The following PON3 variants were observed in gnomAD, a reference collection of about 807,000 sequenced individuals.
The protein encoded by PON3 is serum paraoxonase/lactonase 3.
Under a neutral mutation model 36.3 loss-of-function variants are expected in PON3, and 37 were observed. That is an observed-to-expected ratio of 1.02 (90% CI 0.78 to 1.34). PON3 has a LOEUF of 1.34. Ranked by LOEUF, PON3 falls within the 40% of genes most tolerant of loss-of-function variation. PON3 has a pLI of 0.00. For missense variants in PON3, 415 were observed against 426.5 expected, an observed-to-expected ratio of 0.97 and a Z score of 0.24; for synonymous variants, 155 against 154.8, an observed-to-expected ratio of 1.00 and a Z score of -0.01.
Position 95,374,438 on chromosome 7 carries a change from C to A in PON3, c.202-2100G>T, listed in dbSNP as rs17879912. On this transcript the variant is annotated intron_variant, in intron 3 of 8. Transcript: ENST00000265627. ...TCTCTAGAGATTACACCCTCTCTCT[C>A]TTGCTTTACCACTCATTTTTCACTA... Among the ~76,000 whole-genome samples, 547 of 152,246 alleles carry A rather than the reference C, an allele frequency of 3.6e-3. 4 individuals carry two copies. The highest frequency in any genetic ancestry group is 0.014 in the Middle Eastern group (4 of 294).
chr7:95,373,739 A>AT (rs1472096720), intron 3 of PON3, among the ~76,000 whole-genome samples: 4 of 152,098 alleles, frequency 2.6e-5, no homozygotes, highest in African/African-American at 7.2e-5. Flanking sequence ...CTGTTTATTG[A>AT]TTTTTTTGGC....
rs181397118 is a variant in PON3, at chr7:95,392,836, A to G, written c.145+1808T>C. 3.3e-5 allele frequency among the ~76,000 whole-genome samples: 5 copies of G among 152,340 alleles called. No homozygotes were observed. The East Asian group carries it at 9.6e-4, about 29-fold the overall frequency. The stretch of plus-strand genomic sequence containing the variant: ...AAGGTCTTTACCTTAGCTGGAACAC[A>G]GGGTCCAGCGTCCCTAAAGATACCT... On this transcript the variant is annotated intron_variant, in intron 2 of 8. Coordinates refer to ENST00000265627, the MANE Select transcript of PON3 (RefSeq NM_000940.3).
Position 95,377,474 on chromosome 7 carries a change from G to C in PON3, c.202-5136C>G, listed in dbSNP as rs543904345. On this transcript the variant is annotated intron_variant, in intron 3 of 8. Transcript: ENST00000265627. ...ACAGATAGACTGTCTCCTCAAGTGG[G>C]TCTCTGACACCCATGTAGCCTGACT... 222 of 283,260 alleles carry C rather than the reference G, an allele frequency of 7.8e-4. 1 individual carries two copies. The highest frequency in any genetic ancestry group is 5.0e-3 in the African/African-American group (217 of 43,110). The allele number at this position is 283,260 out of a possible 1,614,324, so 17.5% of individuals were successfully genotyped here. A position where few individuals can be genotyped will look rare whatever the true frequency, so the allele number is the denominator to read the frequency against.
intron 3 of PON3, among the ~76,000 whole-genome samples, chr7:95,378,849 CG>C (rs1808979013): frequency 1.3e-5 from 2 of 152,256 alleles, no homozygotes; most frequent in Admixed American, 1.3e-4. Flanking sequence ...CATCAATTAA[CG>C]GGCAAAATAA....
chr7:95,368,385 T>C (rs939547023), intron 4 of PON3, among the ~76,000 whole-genome samples: 17 of 152,292 alleles, frequency 1.1e-4, no homozygotes, highest in African/African-American at 3.9e-4. Context: ...TTGATGCAAA[T>C]TAAGGAAAGG....
intron 4 of PON3, among the ~76,000 whole-genome samples, chr7:95,369,523 C>T (rs758115942): frequency 3.9e-5 from 6 of 152,068 alleles, no homozygotes; most frequent in Non-Finnish European, 7.4e-5. Flanking sequence ...ACCTGTAATC[C>T]TAACACTTTG....
chr7:95,365,903 AC>A (rs1335165814), intron 5 of PON3: 1 of 152,168 alleles, frequency 6.6e-6, no homozygotes, highest in Non-Finnish European at 1.5e-5. Flanking sequence ...CACCAGTTCT[AC>A]TGCATTAAGG....
chr7:95,377,191 G>C (rs376936871), intron 3 of PON3, among the ~76,000 whole-genome samples: 1 of 152,212 alleles, frequency 6.6e-6, no homozygotes, highest in East Asian at 1.9e-4. Flanking sequence ...AGCTTGGCAG[G>C]GGGAGGGGCA....
At chr7:95,390,012 G>A in intron 3 of PON3, 142 bp downstream of exon 3, 1 of 912,434 alleles carries the variant, frequency 1.1e-6, no homozygotes, top group Non-Finnish European at 1.8e-6. Flanking sequence ...CCAAAATTCT[G>A]TTTTGGCTTT....
chr7:95,383,413 G>T (rs1005890438), intron 3 of PON3, among the ~76,000 whole-genome samples: 1 of 152,154 alleles, frequency 6.6e-6, no homozygotes, highest in Non-Finnish European at 1.5e-5. Flanking sequence ...AAGTCAAATT[G>T]TCCCTGTTTG....
chr7:95,369,261 T>C (rs952227292), intron 4 of PON3, among the ~76,000 whole-genome samples: 1 of 152,138 alleles, frequency 6.6e-6, no homozygotes, highest in Non-Finnish European at 1.5e-5. Flanking sequence ...AATCCAGCAA[T>C]GGACAAATCA....
intron 3 of PON3, 109 bp downstream of exon 3, chr7:95,390,045 A>T: frequency 8.7e-7 from 1 of 1,155,100 alleles, no homozygotes; most frequent in Non-Finnish European, 1.3e-6. Flanking sequence ...GTTTACCCGG[A>T]GGTGGGATGA....
chr7:95,366,808 G>A (rs1049748826), intron 5 of PON3, among the ~76,000 whole-genome samples: 1 of 152,232 alleles, frequency 6.6e-6, no homozygotes, highest in East Asian at 1.9e-4. Flanking sequence ...GTTTACCCAT[G>A]CCTATTATTA....
intron 4 of PON3, among the ~76,000 whole-genome samples, chr7:95,368,478 TG>T (rs1808744274): frequency 6.6e-6 from 1 of 152,222 alleles, no homozygotes. Context: ...GAACATGGGT[TG>T]GATTTCAGCC....
intron 3 of PON3, among the ~76,000 whole-genome samples, chr7:95,382,879 G>A (rs918055397): frequency 6.6e-6 from 1 of 152,048 alleles, no homozygotes; most frequent in Non-Finnish European, 1.5e-5. Context: ...TGATACCAAG[G>A]CCTGGCAGAG....
At chr7:95,362,210 C>G in intron 8 of PON3, 152 bp downstream of exon 8, 1 of 928,366 alleles carries the variant, frequency 1.1e-6, no homozygotes, top group Non-Finnish European at 1.7e-6. Flanking sequence ...CGAACCTTAT[C>G]TCCCTACCTG....
intron 3 of PON3, among the ~76,000 whole-genome samples, chr7:95,381,307 T>C (rs1192472096): frequency 1.3e-5 from 2 of 152,042 alleles, no homozygotes; most frequent in East Asian, 3.9e-4. Context: ...ATGAGCAAAA[T>C]AACCAGCTAA....
At chr7:95,371,442 A>T (rs1808806966) in intron 4 of PON3, among the ~76,000 whole-genome samples, 1 of 152,110 alleles carries the variant, frequency 6.6e-6, no homozygotes, top group Non-Finnish European at 1.5e-5. Flanking sequence ...ATTTTTCTAC[A>T]TCCTTGCCAA....
chr7:95,396,077 C>T, intron 1 of PON3, 200 bp downstream of exon 1: 2 of 654,808 alleles, frequency 3.1e-6, no homozygotes, highest in Admixed American at 2.4e-5. Flanking sequence ...ACTAATTCGG[C>T]TCGGCAGTCT....
Sources: allele counts gnomAD v4.1 joint callset (sites outside exome capture counted in the v4.1 genomes callset), GRCh38; gene constraint gnomAD v4.1.1; transcripts MANE v1.5; gene names NCBI Gene and HGNC (gene_info 2026-07-23, HGNC 2026-07-21).